Variants in TRABD2B observed in about 807,000 individuals in gnomAD.
The protein encoded by TRABD2B is metalloprotease TIKI2.
TRABD2B carries 14 observed loss-of-function variants against 40.1 expected under a neutral mutation model. That is an observed-to-expected ratio of 0.35 (90% confidence interval 0.23 to 0.55). The LOEUF (loss-of-function observed/expected upper bound fraction) is 0.55, where lower values mean the gene tolerates loss of function less well. TRABD2B is among the 20% of genes least tolerant of loss of function. TRABD2B has a pLI of 0.90. For synonymous variants in TRABD2B, 263 were observed against 277.0 expected (o/e 0.95, Z 0.50); for missense variants, 541 against 648.6 (o/e 0.83, Z 1.80).
chr1:47,983,060 A>G (rs1645863945), intron 2 of TRABD2B, among the ~76,000 whole-genome samples: 1 of 152,238 alleles, frequency 6.6e-6, no homozygotes, highest in Non-Finnish European at 1.5e-5. Context: ...ACTATTCACA[A>G]TAGCAAAGAC....
chr1:47,783,118 G>T (rs954645983), intron 4 of TRABD2B, among the ~76,000 whole-genome samples: 1 of 152,110 alleles, frequency 6.6e-6, no homozygotes, highest in Non-Finnish European at 1.5e-5. Context: ...GAGAAGAGCA[G>T]AGAGATACTC....
At chr1:47,956,643 C>T (rs185048243) in intron 2 of TRABD2B, among the ~76,000 whole-genome samples, 1 of 152,312 alleles carries the variant, frequency 6.6e-6, no homozygotes, top group Admixed American at 6.5e-5. Context: ...TGCAAGGCGG[C>T]AGGGAGGCTG....
chr1:47,918,919 A>G (rs1570285468), intron 2 of TRABD2B, among the ~76,000 whole-genome samples: 2 of 152,264 alleles, frequency 1.3e-5, no homozygotes, highest in South Asian at 4.1e-4. Context: ...AGAAAACCAC[A>G]TCAGGAGCTA....
At chr1:47,867,241 T>C (rs543069729) in intron 2 of TRABD2B, among the ~76,000 whole-genome samples, 19 of 152,236 alleles carry the variant, frequency 1.2e-4, no homozygotes, top group African/African-American at 4.1e-4. Flanking sequence ...GGCTTCCATA[T>C]CTATATCTTT....
In TRABD2B at chr1:47,809,645, C is replaced by T. The variant is rs1233250844; in HGVS notation, c.667-8026G>A. ...TATTTATTTATTCTCCTTGCCCCAT[C>T]GGCAGCACCAAAGCCATGCCGACTA... On this transcript the variant is annotated intron_variant, in intron 2 of 6. Coordinates refer to ENST00000606738, the MANE Select transcript of TRABD2B (RefSeq NM_001194986.2). 2.6e-5 allele frequency among the ~76,000 whole-genome samples: 4 copies of T among 152,346 alleles called. No individual in the cohort carries two copies. In the South Asian group the frequency reaches 6.2e-4, roughly 24 times the overall value.
intron 3 of TRABD2B, among the ~76,000 whole-genome samples, chr1:47,795,159 T>TA (rs1644732025): frequency 6.6e-6 from 1 of 152,244 alleles, no homozygotes; most frequent in African/African-American, 2.4e-5. Flanking sequence ...ATGAGGCCCC[T>TA]ACAGTGGGCT....
At chr1:47,769,245 G>T (rs1467911018) in intron 6 of TRABD2B, among the ~76,000 whole-genome samples, 1 of 152,194 alleles carries the variant, frequency 6.6e-6, no homozygotes, top group African/African-American at 2.4e-5. Context: ...CCTAGCTGCT[G>T]CCCCATCCTT....
rs184711227 is a variant in TRABD2B, at chr1:47,775,910, G to A, written c.1080-471C>T. On this transcript the variant is annotated intron_variant, in intron 5 of 6. Transcript: ENST00000606738. ...ACATTTGAGCCCAGGCTAGGAAGAC[G>A]TGAGGGAGCGAGCCCTGGGTACGTC... is the stretch of plus-strand genomic sequence containing the variant. 2.1e-3 allele frequency among the ~76,000 whole-genome samples: 317 copies of A among 152,214 alleles called. 3 individuals are homozygous for A. The highest frequency in any genetic ancestry group is 7.3e-3 in the African/African-American group (302 of 41,528).
At chr1:47,876,098 C>T (rs1272667043) in intron 2 of TRABD2B, among the ~76,000 whole-genome samples, 1 of 152,232 alleles carries the variant, frequency 6.6e-6, no homozygotes, top group Non-Finnish European at 1.5e-5. Flanking sequence ...AGAAGGTCCA[C>T]TCCACTACTC....
chr1:47,988,132 C>T (rs1263775110), intron 2 of TRABD2B, among the ~76,000 whole-genome samples: 1 of 152,040 alleles, frequency 6.6e-6, no homozygotes, highest in East Asian at 1.9e-4. Context: ...CCAGAGAGGG[C>T]TGGAGGACTC....
intron 2 of TRABD2B, among the ~76,000 whole-genome samples, chr1:47,900,669 G>A (rs1375816150): frequency 6.6e-6 from 1 of 152,116 alleles, no homozygotes; most frequent in Non-Finnish European, 1.5e-5. Flanking sequence ...TTTGCTAAAT[G>A]AACGAAGTAA....
intron 2 of TRABD2B, among the ~76,000 whole-genome samples, chr1:47,969,671 G>C (rs1645652859): frequency 6.6e-6 from 1 of 152,306 alleles, no homozygotes; most frequent in Non-Finnish European, 1.5e-5. Flanking sequence ...CGAAGGCGTA[G>C]ACACAAAGCC....
intron 2 of TRABD2B, among the ~76,000 whole-genome samples, chr1:47,833,241 G>A (rs74669578): frequency 0.024 from 3,674 of 152,296 alleles, 115 homozygotes; most frequent in Admixed American, 0.094. Flanking sequence ...TTGCCAAGGA[G>A]TTCTGAGTCC....
At chr1:47,932,198 C>A (rs372192910) in intron 2 of TRABD2B, among the ~76,000 whole-genome samples, 2 of 152,174 alleles carry the variant, frequency 1.3e-5, no homozygotes, top group African/African-American at 4.8e-5. Flanking sequence ...AAGACCTCTA[C>A]ATGATGTAAG....
chr1:47,843,083 G>A (rs1645421180), intron 2 of TRABD2B, among the ~76,000 whole-genome samples: 1 of 152,190 alleles, frequency 6.6e-6, no homozygotes, highest in Non-Finnish European at 1.5e-5. Flanking sequence ...AAAGGGGGTG[G>A]AGGAGGGAGG....
intron 2 of TRABD2B, among the ~76,000 whole-genome samples, chr1:47,991,138 C>T (rs1646005290): frequency 6.6e-6 from 1 of 151,980 alleles, no homozygotes; most frequent in African/African-American, 2.4e-5. Context: ...GCTGGGAGAA[C>T]ACATCCTTCA....
At chr1:47,794,501 T>G in intron 4 of TRABD2B, 85 bp downstream of exon 4, 1 of 1,381,588 alleles carries the variant, frequency 7.2e-7, no homozygotes, top group Non-Finnish European at 9.5e-7. Context: ...CCTCGACTTC[T>G]CCCTCGATGA....
intron 2 of TRABD2B, among the ~76,000 whole-genome samples, chr1:47,990,332 T>C (rs1278554982): frequency 6.6e-6 from 1 of 152,196 alleles, no homozygotes; most frequent in Non-Finnish European, 1.5e-5. Context: ...GGAGAAGTAG[T>C]GGCAGCCGGT....
intron 2 of TRABD2B, among the ~76,000 whole-genome samples, chr1:47,942,534 T>C (rs1258535209): frequency 1.3e-5 from 2 of 152,168 alleles, no homozygotes; most frequent in Non-Finnish European, 2.9e-5. Context: ...GCTGCTGCTA[T>C]GATGACACTC....
Sources: allele counts gnomAD v4.1 joint callset (sites outside exome capture counted in the v4.1 genomes callset), GRCh38; gene constraint gnomAD v4.1.1; transcripts MANE v1.5; gene names NCBI Gene and HGNC (gene_info 2026-07-23, HGNC 2026-07-21).